Variants in AZIN1 observed in about 807,000 individuals in gnomAD.
AZIN1 encodes the protein antizyme inhibitor 1, also known as ornithine decarboxylase antizyme inhibitor.
A neutral mutation model predicts 47.4 loss-of-function variants in AZIN1; 12 were observed. The observed-to-expected ratio is 0.25, with a 90% CI of 0.16 to 0.41. The LOEUF is 0.41. AZIN1 is among the 10% of genes least tolerant of loss of function. The pLI is 1.00. For missense variants in AZIN1, 410 were observed against 532.4 expected (o/e 0.77, Z 2.26); for synonymous variants, 155 against 176.3 (o/e 0.88, Z 0.96).
intron 2 of AZIN1, among the ~76,000 whole-genome samples, chr8:102,853,509 G>GA (rs1813062394): frequency 6.6e-6 from 1 of 152,078 alleles, no homozygotes; most frequent in African/African-American, 2.4e-5. Context: ...TCTCAAAAAA[G>GA]AAAGAAAAAA....
chr8:102,850,602 G>T (rs1384086796), intron 2 of AZIN1, among the ~76,000 whole-genome samples: 2 of 152,122 alleles, frequency 1.3e-5, no homozygotes, highest in African/African-American at 4.8e-5. Flanking sequence ...TAAATTTAGT[G>T]ATCATAAGAT....
At chr8:102,849,320 G>A (rs928726781) in intron 2 of AZIN1, among the ~76,000 whole-genome samples, 49 of 151,734 alleles carry the variant, frequency 3.2e-4, no homozygotes, top group African/African-American at 7.7e-4. Flanking sequence ...AAAAACCCCC[G>A]CACAGGGACT....
At chr8:102,850,257 T>A (rs951302568) in intron 2 of AZIN1, 6 of 152,194 alleles carry the variant, frequency 3.9e-5, no homozygotes, top group Admixed American at 3.9e-4. Context: ...TTTTACTCAT[T>A]AAAAATGAGA....
chr8:102,851,077 TA>T (rs1812889353), intron 2 of AZIN1, among the ~76,000 whole-genome samples: 1 of 152,234 alleles, frequency 6.6e-6, no homozygotes, highest in Non-Finnish European at 1.5e-5. Flanking sequence ...ATGTGAAGAC[TA>T]AATTTTTTTT....
chr8:102,854,184 C>T (rs893691056), intron 2 of AZIN1, among the ~76,000 whole-genome samples: 31 of 151,874 alleles, frequency 2.0e-4, no homozygotes, highest in African/African-American at 7.5e-4. Flanking sequence ...GATGATCTGC[C>T]GGCCTCAGCC....
At chr8:102,833,471 TG>T (rs1432635250) in intron 8 of AZIN1, among the ~76,000 whole-genome samples, 4 of 136,744 alleles carry the variant, frequency 2.9e-5, no homozygotes, top group African/African-American at 8.4e-5. Context: ...TATTTGTTTT[TG>T]TTTTTTTTTA....
In AZIN1 at chr8:102,827,879, A is replaced by G. The variant is rs1437369204; in HGVS notation, c.*688T>C. On this transcript the variant is annotated 3_prime_UTR_variant, in exon 12 of 12. Transcript: ENST00000337198. ...AATTAAATAAATGAAAAATGCACCG[A>G]GCCAAACAAAACTTAACTGGGCTAT... The G allele has an allele frequency of 2.0e-5, 3 of 152,578 alleles. No individual in the cohort carries two copies. The highest frequency in any genetic ancestry group is 4.4e-5 in the Non-Finnish European group (3 of 68,024). 9.5% of individuals were successfully genotyped at this position (152,578 alleles called of 1,614,324 possible). A position where few individuals can be genotyped will look rare whatever the true frequency, so the allele number is the denominator to read the frequency against.
intron 9 of AZIN1, among the ~76,000 whole-genome samples, chr8:102,831,935 A>G (rs1811489373): frequency 1.3e-5 from 2 of 152,170 alleles, no homozygotes; most frequent in African/African-American, 4.8e-5. Context: ...AGCCTGGGCG[A>G]CAAAACAACA....
intron 3 of AZIN1, among the ~76,000 whole-genome samples, chr8:102,842,114 A>G (rs967247670): frequency 6.6e-6 from 1 of 151,636 alleles, no homozygotes; most frequent in African/African-American, 2.4e-5. Flanking sequence ...TTCGTCTCAA[A>G]GAGAAAAAAA....
chr8:102,836,273 G>A lies in AZIN1; in HGVS notation c.567C>T (p.Val189=), dbSNP rs1188204039. 3 of 1,613,634 alleles carry A rather than the reference G, an allele frequency of 1.9e-6. No homozygotes were observed. The highest frequency in any genetic ancestry group is 2.5e-6 in the Non-Finnish European group (3 of 1,179,788). ...HLLECAKELD[V]QIIGVKFHVS... is the part of the protein sequence containing the mutation. ...ATACTCACTTAACCCCAATTATTTG[G>A]ACATCAAGTTCCTTAGCACATTCCA... is the stretch of plus-strand genomic sequence containing the variant. Residue 189 remains valine (V), a synonymous_variant, in exon 6 of 12, where the codon GTC becomes GTT. Transcript: ENST00000337198.
intron 8 of AZIN1, 54 bp downstream of exon 8, chr8:102,834,135 T>G: frequency 1.4e-6 from 2 of 1,448,342 alleles, no homozygotes; most frequent in Non-Finnish European, 1.9e-6. Context: ...CATCCACCAC[T>G]TAAGTAACAA....
chr8:102,841,424 T>G (rs1812171676), intron 3 of AZIN1, among the ~76,000 whole-genome samples: 1 of 152,150 alleles, frequency 6.6e-6, no homozygotes, highest in Non-Finnish European at 1.5e-5. Context: ...AAAGATTATA[T>G]CTGACCCCCG....
chr8:102,839,737 C>T lies in AZIN1; in HGVS notation c.189G>A (p.Lys63=). ...SQWQNVVAQI[K]PFYTVKCNSA... ...AGTTGCACTTCACTGTGTAGAATGG[C>T]TTTATCTGAGCCACTACATTCTGCC... Residue 63 remains lysine (K), a synonymous_variant, in exon 4 of 12, where the codon AAG becomes AAA. Transcript: ENST00000337198. The T allele has an allele frequency of 6.2e-7, 1 of 1,610,064 alleles. No individual in the cohort carries two copies. Among genetic ancestry groups the T allele is most frequent in the Admixed American group, 1.7e-5 (1 of 59,592 alleles).
At position 102,828,606 on chromosome 8, in the gene AZIN1, A is replaced by G. The variant is rs368545100; in HGVS notation, c.1308T>C (p.Ile436=). 29 of 1,611,578 alleles carry G rather than the reference A, an allele frequency of 1.8e-5. No individual in the cohort carries two copies. Among genetic ancestry groups the G allele is most frequent in the Non-Finnish European group, 2.4e-5 (28 of 1,178,074 alleles). The change falls in exon 12 of 12, where the codon ATT becomes ATC. Residue 436 remains isoleucine, a synonymous_variant. Transcript: ENST00000337198. ...AAAAGCTGTCTTCTTGGCTCAGCTG[A>G]ATGCAAGAAGGCACAAAGAAGAAGT... is the stretch of plus-strand genomic sequence containing the variant. ...MKNFFFVPSC[I]QLSQEDSFSA... is the part of the protein sequence containing the mutation.
At chr8:102,836,488 A>T in intron 5 of AZIN1, 98 bp from the exon 6 acceptor site, 1 of 1,335,384 alleles carries the variant, frequency 7.5e-7, no homozygotes, top group Admixed American at 2.0e-5. Context: ...TTATGTTGCC[A>T]GTGCTCCCAA....
At chr8:102,832,547 C>T (rs1375884222) in intron 9 of AZIN1, among the ~76,000 whole-genome samples, 1 of 152,112 alleles carries the variant, frequency 6.6e-6, no homozygotes, top group Non-Finnish European at 1.5e-5. Flanking sequence ...GAGAATTAAT[C>T]ATCTGCTAGA....
At chr8:102,839,885 AAACAGGAAAG>A in intron 3 of AZIN1, 62 bp from the exon 4 acceptor site, 2 of 1,292,924 alleles carry the variant, frequency 1.5e-6, no homozygotes, top group East Asian at 2.4e-5. Context: ...TCAAGTATCA[AAACAGGAAAG>A]AACACCTCTT....
intron 3 of AZIN1, among the ~76,000 whole-genome samples, chr8:102,840,768 C>T (rs945224449): frequency 6.6e-6 from 1 of 152,172 alleles, no homozygotes; most frequent in Non-Finnish European, 1.5e-5. Context: ...TCCATGAAGA[C>T]AATGTTACTG....
chr8:102,837,236 A>G (rs1465962099), intron 5 of AZIN1, among the ~76,000 whole-genome samples: 2 of 152,166 alleles, frequency 1.3e-5, no homozygotes, highest in Admixed American at 1.3e-4. Flanking sequence ...GCTTTTTAAA[A>G]AATTATTTCA....
Sources: gnomAD v4.1 joint callset for allele counts (sites outside exome capture counted in the v4.1 genomes callset) on GRCh38, gnomAD v4.1.1 for gene constraint, MANE v1.5 for transcripts, NCBI Gene and HGNC (gene_info 2026-07-23, HGNC 2026-07-21) for gene names.